Variants in RAD51B observed in about 807,000 individuals in gnomAD.
The protein encoded by RAD51B is DNA repair protein RAD51 homolog 2.
In RAD51B, 38 loss-of-function variants were observed where a neutral mutation model predicts 42.2. That is an observed-to-expected ratio of 0.90 (90% CI 0.70 to 1.18). The LOEUF (loss-of-function observed/expected upper bound fraction) is 1.18, where lower values mean the gene tolerates loss of function less well. Ranked by LOEUF, RAD51B falls within the 50% of genes most tolerant of loss-of-function variation. The pLI is 0.00. For synonymous variants in RAD51B, 154 were observed against 145.2 expected, an observed-to-expected ratio of 1.06 and a Z score of -0.43; for missense variants, 373 against 400.7, an observed-to-expected ratio of 0.93 and a Z score of 0.59.
intron 5 of RAD51B, among the ~76,000 whole-genome samples, chr14:67,876,210 T>G (rs1042192163): frequency 6.6e-6 from 1 of 152,172 alleles, no homozygotes. Flanking sequence ...TGAACAGAGA[T>G]ATAGTACGTA....
Position 68,078,732 on chromosome 14 carries a change from G to C in RAD51B, c.756+191528G>C, listed in dbSNP as rs10140465. 3.9e-5 allele frequency among the ~76,000 whole-genome samples: 6 copies of C among 152,222 alleles called. No homozygotes were observed. The South Asian group carries it at 1.2e-3, about 32-fold the overall frequency. On this transcript the variant is annotated intron_variant, in intron 7 of 10. Coordinates refer to ENST00000471583, the MANE Select transcript of RAD51B (RefSeq NM_133510.4). ...GGGCTGGACACGGTGGCTCATGCCC[G>C]TAGTCCCAGCACTTTGGGAGGCCAA...
intron 10 of RAD51B, among the ~76,000 whole-genome samples, chr14:68,470,148 A>G (rs1484318676): frequency 1.3e-5 from 2 of 152,222 alleles, no homozygotes; most frequent in African/African-American, 2.4e-5. Flanking sequence ...TGTGTCCAGG[A>G]AAGAGAAAAA....
In RAD51B at chr14:67,825,476, C is replaced by G. The variant is rs1163527909; in HGVS notation, c.97C>G (p.Leu33Val). 4 of 1,610,074 alleles carry G rather than the reference C, an allele frequency of 2.5e-6. No homozygotes were observed. The African/African-American group carries it at 5.4e-5, about 22-fold the overall frequency. Residue 33 changes from leucine (L) to valine (V), a missense_variant, in exon 3 of 11, where the codon CTT becomes GTT. By Grantham distance (32) the Leu-to-Val change is conservative. Transcript: ENST00000471583. Reference protein sequence around the residue: ...QILTCQDFLCLSPLELMKVTG... With the variant: ...QILTCQDFLCVSPLELMKVTG... The stretch of plus-strand genomic sequence containing the variant: ...TATGTTTCTTTAGGACTTTTTATGT[C>G]TTTCCCCACTGGAGCTTATGAAGGT...
chr14:68,085,926 G>GTC (rs1447234567), intron 7 of RAD51B, among the ~76,000 whole-genome samples: 1 of 152,210 alleles, frequency 6.6e-6, no homozygotes. Context: ...GCGTCTAGGG[G>GTC]TGAATGTTTA....
chr14:68,451,821 C>G (rs1411555507), intron 9 of RAD51B, among the ~76,000 whole-genome samples: 12 of 152,180 alleles, frequency 7.9e-5, no homozygotes. Context: ...ATGTGTCAAG[C>G]CCAGATTTCA....
chr14:68,526,207 G>C (rs1414858975), intron 10 of RAD51B, among the ~76,000 whole-genome samples: 1 of 152,148 alleles, frequency 6.6e-6, no homozygotes. Context: ...TATTAAATGG[G>C]TCCCAAATCT....
intron 7 of RAD51B, among the ~76,000 whole-genome samples, chr14:67,988,964 T>C (rs1459000109): frequency 2.0e-5 from 3 of 152,216 alleles, no homozygotes; most frequent in Non-Finnish European, 4.4e-5. Context: ...ACTTCTGAAT[T>C]AACAGACATT....
At chr14:67,941,583 A>G (rs1028598655) in intron 7 of RAD51B, among the ~76,000 whole-genome samples, 9 of 152,194 alleles carry the variant, frequency 5.9e-5, no homozygotes, top group Non-Finnish European at 1.2e-4. Context: ...TTGCCTAATT[A>G]CAGCCAGCTT....
At chr14:68,402,927 C>T (rs1220866737) in intron 8 of RAD51B, among the ~76,000 whole-genome samples, 1 of 152,190 alleles carries the variant, frequency 6.6e-6, no homozygotes, top group Non-Finnish European at 1.5e-5. Context: ...TGTTACACTA[C>T]TCTCCTTCTC....
intron 8 of RAD51B, among the ~76,000 whole-genome samples, chr14:68,400,663 G>A (rs2084075495): frequency 6.6e-6 from 1 of 151,792 alleles, no homozygotes; most frequent in Admixed American, 6.6e-5. Flanking sequence ...AACACACTGT[G>A]GGGGAAAAAA....
intron 8 of RAD51B, among the ~76,000 whole-genome samples, chr14:68,344,580 G>A (rs2082636608): frequency 6.6e-6 from 1 of 151,790 alleles, no homozygotes; most frequent in African/African-American, 2.4e-5. Context: ...CTGGGAGGCG[G>A]AGCTTGCAGT....
intron 8 of RAD51B, among the ~76,000 whole-genome samples, chr14:68,391,759 A>G (rs146591260): frequency 6.9e-4 from 105 of 152,328 alleles, no homozygotes; most frequent in African/African-American, 2.5e-3. Context: ...TTGTTGACTC[A>G]GTTCCCATGG....
At chr14:68,629,309 AGAG>A (rs1361122102) in intron 10 of RAD51B, among the ~76,000 whole-genome samples, 1 of 152,174 alleles carries the variant, frequency 6.6e-6, no homozygotes, top group Non-Finnish European at 1.5e-5. Context: ...CTGCTGCTGC[AGAG>A]GAGGAGTTTT....
chr14:68,602,536 A>C (rs1036597543), intron 10 of RAD51B, among the ~76,000 whole-genome samples: 1 of 151,902 alleles, frequency 6.6e-6, no homozygotes, highest in Non-Finnish European at 1.5e-5. Flanking sequence ...ATAGATAGAT[A>C]GATAGATAGA....
chr14:67,874,215 T>C (rs1436702418), intron 5 of RAD51B, among the ~76,000 whole-genome samples: 1 of 152,174 alleles, frequency 6.6e-6, no homozygotes, highest in African/African-American at 2.4e-5. Flanking sequence ...AACCAATTTA[T>C]TTTACATGTC....
intron 7 of RAD51B, among the ~76,000 whole-genome samples, chr14:68,176,275 A>G (rs540224034): frequency 2.0e-5 from 3 of 152,352 alleles, no homozygotes; most frequent in African/African-American, 4.8e-5. Flanking sequence ...CAAGTGAGGC[A>G]CAGAGAGGTT....
At chr14:68,111,611 TCCTACGTACTTTGGTTTTGGGTAAA>T (rs1297235897) in intron 7 of RAD51B, among the ~76,000 whole-genome samples, 1 of 152,052 alleles carries the variant, frequency 6.6e-6, no homozygotes, top group African/African-American at 2.4e-5. Flanking sequence ...TACAATACCA[TCCTACGTACTTTGGTTTTGGGTAAA>T]CTGAAAATCC....
At chr14:67,867,044 G>C (rs1266223106) in intron 5 of RAD51B, among the ~76,000 whole-genome samples, 1 of 152,182 alleles carries the variant, frequency 6.6e-6, no homozygotes, top group Non-Finnish European at 1.5e-5. Context: ...CTCACACATG[G>C]AATGGATTTT....
At chr14:68,082,493 T>TTATG (rs140657460) in intron 7 of RAD51B, among the ~76,000 whole-genome samples, 19,192 of 151,150 alleles carry the variant, frequency 0.13, 1,371 homozygotes, top group Middle Eastern at 0.26. Flanking sequence ...ATATATGTAT[T>TTATG]TATGTATGTA....
Sources: allele counts gnomAD v4.1 joint callset (sites outside exome capture counted in the v4.1 genomes callset), GRCh38; gene constraint gnomAD v4.1.1; transcripts MANE v1.5; gene names NCBI Gene and HGNC (gene_info 2026-07-23, HGNC 2026-07-21).